The following CCDC3 variants were observed in gnomAD, a reference collection of about 807,000 sequenced individuals.
CCDC3 encodes coiled-coil domain-containing protein 3.
A neutral mutation model predicts 21.4 loss-of-function variants in CCDC3; 24 were observed. The observed-to-expected ratio is 1.12, with a 90% confidence interval of 0.81 to 1.58. CCDC3 has a LOEUF of 1.58. CCDC3 is among the 40% of genes most tolerant of loss of function. The pLI is 0.00. For synonymous variants in CCDC3, 186 were observed against 166.0 expected, an observed-to-expected ratio of 1.12 and a Z score of -0.93; for missense variants, 425 against 360.9, an observed-to-expected ratio of 1.18 and a Z score of -1.44.
At position 12,898,438 on chromosome 10, in the gene CCDC3, C is replaced by T. The variant is rs957107751; in HGVS notation, c.791G>A (p.Arg264His). 10 of 1,604,590 alleles carry T rather than the reference C, an allele frequency of 6.2e-6. No homozygotes were observed. Among genetic ancestry groups the T allele is most frequent in the Admixed American group, 1.7e-5 (1 of 59,432 alleles). ...LPHINARGPV[R>H]PPYLRG is the part of the protein sequence containing the mutation. ...CCGTTACCCCCGCAGGTAGGGGGGG[C>T]GCACGGGCCCCCGGGCATTGATGTG... Residue 264 changes from arginine (R) to histidine (H), a missense_variant, in exon 3 of 3, where the codon CGC becomes CAC. Physicochemically the swap from Arg to His is conservative, Grantham distance 29. Coordinates refer to ENST00000378825, the MANE Select transcript of CCDC3 (RefSeq NM_031455.4).
At chr10:12,985,925 G>A (rs1031300856) in intron 2 of CCDC3, among the ~76,000 whole-genome samples, 1 of 152,210 alleles carries the variant, frequency 6.6e-6, no homozygotes, top group Non-Finnish European at 1.5e-5. Flanking sequence ...GCCCAGGCTG[G>A]AGTGCAGTGG....
rs555870687 is a variant in CCDC3 at position 12,997,843 on chromosome 10, C to A, written c.549+495G>T. 2.6e-5 allele frequency among the ~76,000 whole-genome samples: 4 copies of A among 152,286 alleles called. No individual in the cohort carries two copies. The East Asian group carries it at 7.7e-4, about 29-fold the overall frequency. Reference sequence around the variant, plus strand: ...CTGACATAGATCAGGGGTGTCCAATCTTTTGGGCCCCATTGGAAGAAGAAT... The same window carrying A: ...CTGACATAGATCAGGGGTGTCCAATATTTTGGGCCCCATTGGAAGAAGAAT... On this transcript the variant is annotated intron_variant, in intron 2 of 2. Transcript: ENST00000378825.
intron 2 of CCDC3, among the ~76,000 whole-genome samples, chr10:12,982,887 C>G (rs193052522): frequency 6.8e-6 from 1 of 148,034 alleles, no homozygotes; most frequent in Non-Finnish European, 1.5e-5. Context: ...CCGAGGTGGG[C>G]AGATCACTTG....
chr10:12,926,313 T>C (rs1834538206), intron 2 of CCDC3, among the ~76,000 whole-genome samples: 1 of 152,232 alleles, frequency 6.6e-6, no homozygotes, highest in African/African-American at 2.4e-5. Context: ...CAATTATATA[T>C]TCCTCATATA....
At chr10:12,916,608 A>C (rs1424203138) in intron 2 of CCDC3, among the ~76,000 whole-genome samples, 23 of 125,466 alleles carry the variant, frequency 1.8e-4, no homozygotes, top group African/African-American at 4.3e-4. Flanking sequence ...TGACAGAGAG[A>C]GACTCCATCT....
chr10:12,921,123 A>G (rs1346176597), intron 2 of CCDC3, among the ~76,000 whole-genome samples: 2 of 152,228 alleles, frequency 1.3e-5, no homozygotes, highest in Middle Eastern at 3.2e-3. Context: ...AAATAAAACA[A>G]CCTTTCCAGC....
intron 4 of CCDC3, among the ~76,000 whole-genome samples, chr10:13,061,629 G>C (rs535684329): frequency 2.6e-5 from 4 of 152,294 alleles, no homozygotes; most frequent in South Asian, 4.1e-4. Flanking sequence ...GAAATACACT[G>C]GTTTGGTGGA....
chr10:13,041,610 C>T (rs1836457410), intron 5 of CCDC3, among the ~76,000 whole-genome samples: 1 of 147,996 alleles, frequency 6.8e-6, no homozygotes, highest in East Asian at 2.0e-4. Context: ...ACTGCAACCT[C>T]CACCTCCCAG....
chr10:12,992,919 C>T (rs974495287), intron 2 of CCDC3, among the ~76,000 whole-genome samples: 3 of 152,192 alleles, frequency 2.0e-5, no homozygotes, highest in Admixed American at 1.3e-4. Flanking sequence ...AGAGACCCCA[C>T]GTGAGTGTGT....
chr10:13,054,232 G>A (rs1458303643), intron 4 of CCDC3, among the ~76,000 whole-genome samples: 1 of 150,642 alleles, frequency 6.6e-6, no homozygotes, highest in Non-Finnish European at 1.5e-5. Context: ...CCCAGCTATT[G>A]CAAACAATCT....
chr10:12,913,157 T>C (rs4748013), intron 2 of CCDC3, among the ~76,000 whole-genome samples: 13 of 152,288 alleles, frequency 8.5e-5, no homozygotes, highest in African/African-American at 2.9e-4. Flanking sequence ...GGGGATTGCA[T>C]TGAATCTGTA....
chr10:12,974,207 G>A (rs986714643), intron 2 of CCDC3, among the ~76,000 whole-genome samples: 2 of 152,224 alleles, frequency 1.3e-5, no homozygotes, highest in South Asian at 2.1e-4. Flanking sequence ...CGGGTACGGC[G>A]AGAAAAACTC....
intron 2 of CCDC3, among the ~76,000 whole-genome samples, chr10:12,961,811 C>T (rs561427566): frequency 1.3e-5 from 2 of 152,146 alleles, no homozygotes; most frequent in South Asian, 4.1e-4. Context: ...TGCTCAACCC[C>T]TCATGAAGCT....
chr10:13,032,803 CAAG>C (rs1296207189), intron 5 of CCDC3, among the ~76,000 whole-genome samples: 1 of 152,154 alleles, frequency 6.6e-6, no homozygotes, highest in Non-Finnish European at 1.5e-5. Flanking sequence ...AGGACCTCTT[CAAG>C]AAGAACTACA....
At chr10:13,007,730 A>T (rs186019192) in intron 5 of CCDC3, among the ~76,000 whole-genome samples, 131 of 152,344 alleles carry the variant, frequency 8.6e-4, no homozygotes, top group African/African-American at 2.7e-3. Flanking sequence ...TAATTTTTTT[A>T]AAATCCTAAT....
chr10:12,906,898 G>A (rs942308196), intron 2 of CCDC3, among the ~76,000 whole-genome samples: 3 of 152,190 alleles, frequency 2.0e-5, no homozygotes, highest in African/African-American at 4.8e-5. Flanking sequence ...CCTCTTGAGT[G>A]TCTGTGATTT....
Position 13,042,735 on chromosome 10 carries a change from T to C in CCDC3, c.-2+6939A>G, listed in dbSNP as rs377742855. On this transcript the variant is annotated intron_variant, in intron 5 of 6. Transcript: ENST00000378839. Reference sequence around the variant, plus strand: ...CATCCTGGCTAACATGGTGAAACCCTGTCTCTACTAAAAATACAAAAAAAT... The same window carrying C: ...CATCCTGGCTAACATGGTGAAACCCCGTCTCTACTAAAAATACAAAAAAAT... 4.9e-4 allele frequency among the ~76,000 whole-genome samples: 75 copies of C among 151,706 alleles called. 1 individual carries two copies. Among genetic ancestry groups the C allele is most frequent in the African/African-American group, 1.7e-3 (72 of 41,352 alleles).
chr10:12,994,772 GTTTT>G (rs1257920034), intron 2 of CCDC3, among the ~76,000 whole-genome samples: 2 of 151,868 alleles, frequency 1.3e-5, no homozygotes, highest in Non-Finnish European at 2.9e-5. Context: ...AAGTTTTTGG[GTTTT>G]TTTAAGAAAA....
intron 4 of CCDC3, among the ~76,000 whole-genome samples, chr10:13,051,054 G>A (rs1331069281): frequency 1.3e-5 from 2 of 152,190 alleles, no homozygotes; most frequent in Admixed American, 6.5e-5. Flanking sequence ...GCCACTCAAA[G>A]TGTTGGGATC....
Sources: allele counts gnomAD v4.1 joint callset (sites outside exome capture counted in the v4.1 genomes callset), GRCh38; gene constraint gnomAD v4.1.1; transcripts MANE v1.5; gene names NCBI Gene and HGNC (gene_info 2026-07-23, HGNC 2026-07-21).